Variants in RYR1 observed in about 807,000 individuals in gnomAD.
RYR1 encodes the protein ryanodine receptor 1, also known as central core disease of muscle.
A neutral mutation model predicts 583.5 loss-of-function variants in RYR1; 342 were observed. That is an observed-to-expected ratio of 0.59 (90% confidence interval 0.54 to 0.64). The LOEUF (loss-of-function observed/expected upper bound fraction) is 0.64. RYR1 is among the 30% of genes least tolerant of loss of function. The pLI, the probability that RYR1 is intolerant of heterozygous loss-of-function variation, is 0.00. For synonymous variants in RYR1, 2,791 were observed against 2,822.5 expected (o/e 0.99, Z 0.35); for missense variants, 6,032 against 6,917.2 (o/e 0.87, Z 4.54).
Position 38,505,426 on chromosome 19 carries a change from A to G in RYR1, c.8400+28A>G, listed in dbSNP as rs2915953. ...GACCAGGCCTTGGGGCCCAGCATTG[A>G]GGGTCAAAATGAAACCCCCAAATTT... On this transcript the variant is annotated intron_variant, in intron 53 of 105. Transcript: ENST00000359596. 417,168 of 1,508,748 alleles carry G rather than the reference A, an allele frequency of 0.28. 61,747 individuals are homozygous for G. Among genetic ancestry groups the G allele is most frequent in the South Asian group, 0.44 (37,922 of 85,572 alleles). The allele number at this position is 1,508,748 out of a possible 1,614,324, so 93.5% of individuals were successfully genotyped here. A position where few individuals can be genotyped will look rare whatever the true frequency, so the allele number is the denominator to read the frequency against.
intron 35 of RYR1, among the ~76,000 whole-genome samples, 184 bp downstream of exon 35, chr19:38,489,627 G>C (rs1215716418): frequency 6.6e-6 from 1 of 152,106 alleles, no homozygotes; most frequent in Admixed American, 6.6e-5. Flanking sequence ...GGAGAAGGCA[G>C]TCTTTTTTGT....
chr19:38,486,327 A>C, intron 34 of RYR1, 125 bp downstream of exon 34: 3 of 1,139,336 alleles, frequency 2.6e-6, no homozygotes, highest in Non-Finnish European at 3.9e-6. Context: ...TCCTCTATAC[A>C]TCCATCCACC....
intron 16 of RYR1, among the ~76,000 whole-genome samples, chr19:38,456,810 G>A (rs1188418555): frequency 2.6e-5 from 4 of 151,100 alleles, no homozygotes; most frequent in Non-Finnish European, 5.9e-5. Flanking sequence ...ACTTTGGGAG[G>A]CCAAGGCGGG....
Position 38,536,746 on chromosome 19 carries a change from C to T in RYR1, c.11591-4C>T, listed in dbSNP as rs1477426049. On this transcript the variant is annotated splice_polypyrimidine_tract_variant and splice_region_variant and intron_variant, in intron 82 of 105. Transcript: ENST00000359596. Reference sequence around the variant, plus strand: ...TCCTCCTCCCATCCTGTTGGCTGCCCCAGTCATCAATCGCCAGAACGGTAA... The same window carrying T: ...TCCTCCTCCCATCCTGTTGGCTGCCTCAGTCATCAATCGCCAGAACGGTAA... 1 of 1,613,876 alleles carries T rather than the reference C, an allele frequency of 6.2e-7. No homozygotes were observed. The highest frequency in any genetic ancestry group is 8.5e-7 in the Non-Finnish European group (1 of 1,179,954).
chr19:38,438,640 A>ATTT (rs1972533771), intron 1 of RYR1, among the ~76,000 whole-genome samples: 1 of 65,496 alleles, frequency 1.5e-5, no homozygotes. Flanking sequence ...TTTTTTTGAG[A>ATTT]TGGAGTCTCG....
At chr19:38,508,506 C>G (rs535879459) in intron 58 of RYR1, among the ~76,000 whole-genome samples, 1 of 152,186 alleles carries the variant, frequency 6.6e-6, no homozygotes, top group East Asian at 1.9e-4. Context: ...CCACCGCACC[C>G]GGCTTGCCAG....
intron 48 of RYR1, 74 bp from the exon 49 acceptor site, chr19:38,502,805 AG>A (rs1970235687): frequency 6.3e-6 from 3 of 472,730 alleles, no homozygotes; most frequent in Non-Finnish European, 9.1e-6. Context: ...GGGCAGGGGC[AG>A]GGGGAGGAGC....
intron 87 of RYR1, among the ~76,000 whole-genome samples, chr19:38,545,680 C>T (rs571451909): frequency 7.5e-4 from 114 of 152,216 alleles, no homozygotes; most frequent in Non-Finnish European, 1.1e-3. Flanking sequence ...GGTATGGTGG[C>T]GCATGCCTGT....
chr19:38,459,507 C>T lies in RYR1; in HGVS notation c.2360+169C>T, dbSNP rs4802475. On this transcript the variant is annotated intron_variant, in intron 19 of 105. Transcript: ENST00000359596. Reference sequence around the variant, plus strand: ...GAAGATCCCAGGGACCTCCACGTGACTCCAGACTCTTTCCAATGACCTCAG... The same window carrying T: ...GAAGATCCCAGGGACCTCCACGTGATTCCAGACTCTTTCCAATGACCTCAG... 7.4e-4 allele frequency among the ~76,000 whole-genome samples: 113 copies of T among 152,252 alleles called. 1 individual carries two copies. Among genetic ancestry groups the T allele is most frequent in the Non-Finnish European group, 1.3e-3 (86 of 68,008 alleles).
intron 47 of RYR1, among the ~76,000 whole-genome samples, chr19:38,501,972 C>A (rs2163824): frequency 0.17 from 25,741 of 149,336 alleles, 2,320 homozygotes; most frequent in East Asian, 0.32. Context: ...GGCGACAGAG[C>A]GAGACCTTAT....
chr19:38,466,039 C>G, intron 23 of RYR1, 52 bp from the exon 24 acceptor site: 8 of 1,538,132 alleles, frequency 5.2e-6, no homozygotes, highest in African/African-American at 2.7e-5. Context: ...TAGTGCAGAG[C>G]CCGGAAGTGG....
At chr19:38,572,908 C>T (rs552752126) in intron 95 of RYR1, among the ~76,000 whole-genome samples, 1 of 150,734 alleles carries the variant, frequency 6.6e-6, no homozygotes, top group Admixed American at 6.6e-5. Flanking sequence ...GCCCCCTATC[C>T]CGGCCCTGAC....
intron 58 of RYR1, among the ~76,000 whole-genome samples, chr19:38,509,245 C>T (rs1324303868): frequency 6.6e-6 from 1 of 152,024 alleles, no homozygotes; most frequent in Admixed American, 6.6e-5. Context: ...ATATGTTCAC[C>T]ATAACTAGCC....
chr19:38,566,437 A>G (rs1291999854), intron 91 of RYR1, among the ~76,000 whole-genome samples: 2 of 125,672 alleles, frequency 1.6e-5, no homozygotes, highest in African/African-American at 6.1e-5. Flanking sequence ...CGACAGAGCG[A>G]GACTCTGTCT....
chr19:38,587,087 C>T (rs950864417), intron 105 of RYR1, among the ~76,000 whole-genome samples: 1 of 152,070 alleles, frequency 6.6e-6, no homozygotes, highest in African/African-American at 2.4e-5. Context: ...AGGAACACAG[C>T]GAGACCCTTT....
In RYR1 at chr19:38,561,397, C is replaced by T. The variant is rs1399924475; in HGVS notation, c.12567C>T (p.Ile4189=). ...AGATCATGGGCGCGTCACGCCGCAT[C>T]GAGCGCATCTACTTCGAGATCTCAG... The part of the protein sequence containing the change: ...RIEIMGASRR[I]ERIYFEISET... The change falls in exon 90 of 106, where the codon ATC becomes ATT. Residue 4189 remains isoleucine (I), a synonymous_variant. Coordinates refer to ENST00000359596, the MANE Select transcript of RYR1 (RefSeq NM_000540.3). This position sits in a 1 kb window ranked among gnomAD's most constrained non-coding sequence, Gnocchi z 4.8. The T allele has an allele frequency of 1.9e-6, 3 of 1,613,178 alleles. No homozygotes were observed. Among genetic ancestry groups the T allele is most frequent in the Non-Finnish European group, 1.7e-6 (2 of 1,180,006 alleles).
chr19:38,502,461 C>T, intron 47 of RYR1, 46 bp from the exon 48 acceptor site: 1 of 1,550,536 alleles, frequency 6.4e-7, no homozygotes, highest in South Asian at 1.2e-5. Flanking sequence ...GCCAGAGCAG[C>T]CCCAGGGGTG....
rs118192172 is a variant in RYR1, at chr19:38,457,545, C to T, written c.1840C>T (p.Arg614Cys). Reference sequence around the variant, plus strand: ...GTGTGTGTGTAATGGTGTGGCTGTACGCTCCAACCAAGATCTTATTACTGA... The same window carrying T: ...GTGTGTGTGTAATGGTGTGGCTGTATGCTCCAACCAAGATCTTATTACTGA... Reference protein sequence around the residue: ...SLCVCNGVAVRSNQDLITENL... With the variant: ...SLCVCNGVAVCSNQDLITENL... Residue 614 changes from arginine (R) to cysteine (C), a missense_variant, in exon 17 of 106, where the codon CGC (arginine) becomes TGC (cysteine). Around this residue, in one of 11 missense-constraint regions of RYR1, gnomAD observed 2,627 missense variants for 2,961.3 expected, o/e 0.89. Coordinates refer to ENST00000359596, the MANE Select transcript of RYR1 (RefSeq NM_000540.3). 118 of 1,614,054 alleles carry T rather than the reference C, an allele frequency of 7.3e-5. No homozygotes were observed. Among genetic ancestry groups the T allele is most frequent in the Non-Finnish European group, 8.8e-5 (104 of 1,180,012 alleles).
At chr19:38,476,599 C>G (rs1036609765) in intron 29 of RYR1, among the ~76,000 whole-genome samples, 1 of 152,172 alleles carries the variant, frequency 6.6e-6, no homozygotes, top group Admixed American at 6.6e-5. Flanking sequence ...TCCCAAAGTA[C>G]TGGGATTACA....
Sources: allele counts gnomAD v4.1 joint callset (sites outside exome capture counted in the v4.1 genomes callset), GRCh38; gene constraint gnomAD v4.1.1; regional missense constraint gnomAD v4.1.1; non-coding constraint Gnocchi (gnomAD v3.1); transcripts MANE v1.5; gene names NCBI Gene and HGNC (gene_info 2026-07-23, HGNC 2026-07-21).